ERCC6L2: variants seen among roughly 807,000 people sequenced by gnomAD.
The protein encoded by ERCC6L2 is ERCC excision repair 6 like 2.
Under a neutral mutation model 132.0 loss-of-function variants are expected in ERCC6L2, and 77 were observed. The ratio of observed to expected loss-of-function variants is 0.58; its 90% CI spans 0.49 to 0.71. The LOEUF (loss-of-function observed/expected upper bound fraction) is 0.71, where lower values mean the gene tolerates loss of function less well. Among genes scored for constraint, ERCC6L2 ranks in the 30% least tolerant of loss-of-function variants. ERCC6L2 has a pLI of 0.00. For missense variants in ERCC6L2, 1,542 were observed against 1,837.6 expected (o/e 0.84, Z 2.94); for synonymous variants, 583 against 632.4 (o/e 0.92, Z 1.17).
chr9:95,885,963 A>G (rs1263836834), intron 2 of ERCC6L2, among the ~76,000 whole-genome samples: 2 of 152,168 alleles, frequency 1.3e-5, no homozygotes, highest in African/African-American at 4.8e-5. Flanking sequence ...TGGTGAGTTC[A>G]GTGAACATTG....
intron 16 of ERCC6L2, among the ~76,000 whole-genome samples, chr9:95,975,036 A>G (rs1176542533): frequency 6.6e-6 from 1 of 152,128 alleles, no homozygotes; most frequent in Non-Finnish European, 1.5e-5. Flanking sequence ...GAATAAAATA[A>G]CAGTACTACC....
At chr9:95,890,630 A>T (rs1173701028) in intron 2 of ERCC6L2, among the ~76,000 whole-genome samples, 2 of 152,228 alleles carry the variant, frequency 1.3e-5, no homozygotes, top group African/African-American at 4.8e-5. Flanking sequence ...CAAGAAACAA[A>T]GCCTTCTACC....
At position 95,875,779 on chromosome 9, in the gene ERCC6L2, T is replaced by C. The variant is rs1343785919; in HGVS notation, c.-260T>C. 3.6e-6 allele frequency: 2 copies of C among 548,086 alleles called. No individual in the cohort carries two copies. The highest frequency in any genetic ancestry group is 3.8e-5 in the African/African-American group (2 of 52,688). The allele number at this position is 548,086 out of a possible 1,614,324, so 34.0% of individuals were successfully genotyped here. A position where few individuals can be genotyped will look rare whatever the true frequency, so the allele number is the denominator to read the frequency against. Reference sequence around the variant, plus strand: ...CCCGAGAGAACTAGGTGAACACCGCTTTGCCAGCCTCACACAGCGTCCCCT... The same window carrying C: ...CCCGAGAGAACTAGGTGAACACCGCCTTGCCAGCCTCACACAGCGTCCCCT... On this transcript the variant is annotated 5_prime_UTR_variant, in exon 1 of 19. Transcript: ENST00000653738.
chr9:95,985,309 T>C (rs1414284690), intron 17 of ERCC6L2, among the ~76,000 whole-genome samples: 1 of 151,952 alleles, frequency 6.6e-6, no homozygotes, highest in African/African-American at 2.4e-5. Context: ...CAGCACAGAG[T>C]GGGAGTTTAG....
chr9:95,911,316 C>T (rs1035856510), intron 4 of ERCC6L2, among the ~76,000 whole-genome samples: 3 of 152,138 alleles, frequency 2.0e-5, no homozygotes, highest in Admixed American at 6.6e-5. Flanking sequence ...ACCTGTCTGT[C>T]CCCTTAGACT....
At chr9:95,974,715 G>A (rs1026825170) in intron 16 of ERCC6L2, among the ~76,000 whole-genome samples, 9 of 126,802 alleles carry the variant, frequency 7.1e-5, no homozygotes, top group Non-Finnish European at 1.4e-4. Context: ...CTTTTCAGTG[G>A]CCAGATTTGT....
intron 17 of ERCC6L2, among the ~76,000 whole-genome samples, chr9:95,984,752 G>A (rs1833032999): frequency 6.6e-6 from 1 of 152,086 alleles, no homozygotes; most frequent in Admixed American, 6.5e-5. Context: ...ATAAATACTT[G>A]TGGGATAAAG....
At chr9:95,913,160 T>C (rs1339278297) in intron 4 of ERCC6L2, among the ~76,000 whole-genome samples, 8 of 152,224 alleles carry the variant, frequency 5.3e-5, no homozygotes, top group Non-Finnish European at 1.2e-4. Flanking sequence ...TTTTACTTAG[T>C]AGTATTAGCA....
At chr9:96,040,651 CT>C (rs1834567657) in intron 20 of ERCC6L2, among the ~76,000 whole-genome samples, 1 of 152,250 alleles carries the variant, frequency 6.6e-6, no homozygotes, top group African/African-American at 2.4e-5. Context: ...TCCCTGCCCC[CT>C]GCCATGACTC....
At position 95,928,712 on chromosome 9, in the gene ERCC6L2, C is replaced by G. The variant is rs555739017; in HGVS notation, c.1606-7C>G. On this transcript the variant is annotated splice_polypyrimidine_tract_variant and splice_region_variant and intron_variant, in intron 10 of 18. Transcript: ENST00000653738. ...CATGTTTGCCCATCTTCATACCTCT[C>G]GTCTAGTTGCTTGACGTGCTACAGC... 1.3e-6 allele frequency: 2 copies of G among 1,593,642 alleles called. No homozygotes were observed. Among genetic ancestry groups the G allele is most frequent in the East Asian group, 2.3e-5 (1 of 44,062 alleles).
At chr9:95,913,079 C>T (rs1418669217) in intron 4 of ERCC6L2, among the ~76,000 whole-genome samples, 2 of 152,150 alleles carry the variant, frequency 1.3e-5, no homozygotes, top group African/African-American at 4.8e-5. Context: ...ATGTTTCTCC[C>T]TTTGTAATGA....
At chr9:95,914,796 T>C (rs543353328) in intron 4 of ERCC6L2, among the ~76,000 whole-genome samples, 28 of 152,356 alleles carry the variant, frequency 1.8e-4, no homozygotes, top group South Asian at 6.2e-4. Flanking sequence ...GTCCAACTTA[T>C]CACACTATTT....
In ERCC6L2 at chr9:95,937,568, T is replaced by G. The variant is rs138499323; in HGVS notation, c.1752-3886T>G. ...AGGTTGTCTGTTTCATTTAGTTGAG[T>G]TCAGTGGTTTGCGGTTTTTGAGGAA... On this transcript the variant is annotated intron_variant, in intron 11 of 18. Coordinates refer to ENST00000653738, the MANE Select transcript of ERCC6L2 (RefSeq NM_020207.7). Among the ~76,000 whole-genome samples, 247 of 152,194 alleles carry G rather than the reference T, an allele frequency of 1.6e-3. 2 individuals carry two copies. Among genetic ancestry groups the G allele is most frequent in the African/African-American group, 5.6e-3 (231 of 41,554 alleles).
chr9:95,966,165 T>C (rs1251337805), intron 13 of ERCC6L2, among the ~76,000 whole-genome samples: 1 of 152,228 alleles, frequency 6.6e-6, no homozygotes, highest in Non-Finnish European at 1.5e-5. Context: ...TTACTTTAGA[T>C]TGTAATTTAA....
At chr9:96,040,237 G>A (rs1448525048) in intron 20 of ERCC6L2, among the ~76,000 whole-genome samples, 1 of 151,116 alleles carries the variant, frequency 6.6e-6, no homozygotes, top group Non-Finnish European at 1.5e-5. Context: ...CACTCTTCCT[G>A]CTCATGTCCT....
rs1330002358 is a variant in ERCC6L2 at position 95,881,293 on chromosome 9, G to C, written c.471G>C (p.Gln157His). 6.5e-7 allele frequency: 1 copy of C among 1,548,708 alleles called. No homozygotes were observed. The highest frequency in any genetic ancestry group is 8.7e-7 in the Non-Finnish European group (1 of 1,154,444). Residue 157 changes from glutamine (Q) to histidine (H), a missense_variant and splice_region_variant, in exon 2 of 19, where the codon CAG becomes CAC. Transcript: ENST00000653738. ...ACATGGGACTTGGAAAAACAGTACA[G>C]GTATTTAATTATGTTATAACAGTAA... The part of the protein sequence containing the change: ...GDDMGLGKTV[Q>H]VISFLAAVLH...
At position 95,877,569 on chromosome 9, in the gene ERCC6L2, A is replaced by G. The variant is rs374711950; in HGVS notation, c.46+1485A>G. 2.6e-5 allele frequency among the ~76,000 whole-genome samples: 4 copies of G among 152,262 alleles called. No homozygotes were observed. In the East Asian group the frequency reaches 5.8e-4, roughly 22 times the overall value. ...GCGCATGGCTCACACCTGTAATCCC[A>G]GTACTTTGGGGAAGCTTAGGCGGGA... is the stretch of plus-strand genomic sequence containing the variant. On this transcript the variant is annotated intron_variant, in intron 1 of 18. Transcript: ENST00000653738.
chr9:95,980,507 C>G lies in ERCC6L2; in HGVS notation c.3492+2292C>G, dbSNP rs552114910. Among the ~76,000 whole-genome samples, 75 of 152,262 alleles carry G rather than the reference C, an allele frequency of 4.9e-4. No individual in the cohort carries two copies. The South Asian group carries it at 0.015, about 30-fold the overall frequency. On this transcript the variant is annotated intron_variant, in intron 17 of 18. Coordinates refer to ENST00000653738, the MANE Select transcript of ERCC6L2 (RefSeq NM_020207.7). ...GGCTGACTTCAGTCAGTAATTGATA[C>G]AGCAAAATTTCATTCTAACATTTCA...
intron 4 of ERCC6L2, among the ~76,000 whole-genome samples, chr9:95,907,875 A>G (rs966738742): frequency 6.6e-6 from 1 of 151,644 alleles, no homozygotes; most frequent in Admixed American, 6.6e-5. Flanking sequence ...CCACACACCC[A>G]CTGTAGCATA....
Sources: gnomAD v4.1 joint callset for allele counts (sites outside exome capture counted in the v4.1 genomes callset) on GRCh38, gnomAD v4.1.1 for gene constraint, MANE v1.5 for transcripts, NCBI Gene and HGNC (gene_info 2026-07-23, HGNC 2026-07-21) for gene names.